Variants in PNMA8B observed in about 807,000 individuals in gnomAD.
PNMA8B encodes PNMA family member 8B, also known as paraneoplastic antigen-like protein 8B.
For missense variants in PNMA8B, 887 were observed against 885.8 expected, an observed-to-expected ratio of 1.00 and a Z score of -0.02; for synonymous variants, 386 against 394.9, an observed-to-expected ratio of 0.98 and a Z score of 0.27.
In PNMA8B at chr19:46,493,593, G is replaced by T. The variant is rs1601503130; in HGVS notation, c.1873C>A (p.Arg625Ser). Residue 625 changes from arginine to serine, a missense_variant, in exon 1 of 1, where the codon CGT becomes AGT. Arg to Ser is a moderately radical substitution (Grantham distance 110, BLOSUM62 -1). Transcript: ENST00000599531. The surrounding 1 kb of genome is among the most constrained non-coding windows in gnomAD (Gnocchi z 5.3). The part of the protein sequence containing the change: ...GSKAARGKKA[R>S]RGRRLPPKCR Reference sequence around the variant, plus strand: ...TTAGGGGGCAGCCTCCGGCCCCGACGGGCCTTCTTCCCGCGCGCGGCCTTG... The same window carrying T: ...TTAGGGGGCAGCCTCCGGCCCCGACTGGCCTTCTTCCCGCGCGCGGCCTTG... 1 of 1,480,692 alleles carries T rather than the reference G, an allele frequency of 6.8e-7. No individual in the cohort carries two copies. Among genetic ancestry groups the T allele is most frequent in the South Asian group, 1.3e-5 (1 of 75,566 alleles). The allele number at this position is 1,480,692 out of a possible 1,614,324, so 91.7% of individuals were successfully genotyped here.
Position 46,494,323 on chromosome 19 carries a change from C to A in PNMA8B, c.1143G>T (p.Lys381Asn). 6.2e-7 allele frequency: 1 copy of A among 1,613,192 alleles called. No individual in the cohort carries two copies. The highest frequency in any genetic ancestry group is 1.1e-5 in the South Asian group (1 of 91,088). The change falls in exon 1 of 1, where the codon AAG (lysine) becomes AAT (asparagine). Residue 381 changes from lysine to asparagine, a missense_variant. Physicochemically the swap from Lys to Asn is moderately conservative, Grantham distance 94. Coordinates refer to ENST00000599531, the MANE Select transcript of PNMA8B (RefSeq NM_020709.3). Reference sequence around the variant, plus strand: ...CCTTCACGCGGGTCCCGTTAGTGTCCTTGGACATGACGGACAAGACCTGTC... The same window carrying A: ...CCTTCACGCGGGTCCCGTTAGTGTCATTGGACATGACGGACAAGACCTGTC... The part of the protein sequence containing the change: ...PLRQVLSVMS[K>N]DTNGTRVKVE...
At position 46,494,872 on chromosome 19, in the gene PNMA8B, G is replaced by A. The variant is rs780432270; in HGVS notation, c.594C>T (p.Ser198=). ...APARSEAEDS[S]DESLGIVIEE... ...CGATCACGATGCCCAGGCTCTCGTC[G>A]GAAGAGTCCTCGGCCTCACTCCTCG... Residue 198 remains serine (S), a synonymous_variant, in exon 1 of 1, where the codon TCC becomes TCT. Transcript: ENST00000599531. The A allele has an allele frequency of 1.2e-6, 2 of 1,612,842 alleles. No homozygotes were observed. Among genetic ancestry groups the A allele is most frequent in the Admixed American group, 1.7e-5 (1 of 60,026 alleles).
rs1425435238 is a variant in PNMA8B at position 46,495,678 on chromosome 19, C to A, written c.-213G>T. On this transcript the variant is annotated 5_prime_UTR_variant, in exon 1 of 1. In the 5' UTR this introduces an upstream ATG that the reference lacks. Coordinates refer to ENST00000599531, the MANE Select transcript of PNMA8B (RefSeq NM_020709.3). ...ACGCAGTGACCTTCCCCCGGGACCC[C>A]TCTCCAGAGCTGTCTGAGGATCCGC... The A allele has an allele frequency of 3.4e-6, 2 of 594,494 alleles. No homozygotes were observed. Among genetic ancestry groups the A allele is most frequent in the Non-Finnish European group, 3.0e-6 (1 of 332,064 alleles). The allele number at this position is 594,494 out of a possible 1,614,324, so 36.8% of individuals were successfully genotyped here. A position where few individuals can be genotyped will look rare whatever the true frequency, so the allele number is the denominator to read the frequency against.
rs1970087065 is a variant in PNMA8B at position 46,495,820 on chromosome 19, G to A, written c.-355C>T. On this transcript the variant is annotated 5_prime_UTR_variant, in exon 1 of 1. Transcript: ENST00000599531. ...GGGCGGCGCCGAGTGCACCTGGAGA[G>A]GCGTGGGAGGTAGCAGCCGCAGCTT... is the stretch of plus-strand genomic sequence containing the variant. The A allele has an allele frequency of 2.2e-5, 5 of 224,274 alleles. No individual in the cohort carries two copies. In the South Asian group the frequency reaches 6.5e-4, roughly 29 times the overall value. The allele number at this position is 224,274 out of a possible 1,614,324, so 13.9% of individuals were successfully genotyped here. A position where few individuals can be genotyped will look rare whatever the true frequency, so the allele number is the denominator to read the frequency against.
In PNMA8B at chr19:46,491,380, A is replaced by T. The variant is rs1424015453; in HGVS notation, c.*2178T>A. ...GACCCCAGGTGTGACTTCTAAGAGG[A>T]CGTCTCTGGCAGCCATGTATGGTGG... is the stretch of plus-strand genomic sequence containing the variant. On this transcript the variant is annotated 3_prime_UTR_variant, in exon 1 of 1. Transcript: ENST00000599531. 1 of 152,192 alleles carries T rather than the reference A, an allele frequency of 6.6e-6. No individual in the cohort carries two copies. Among genetic ancestry groups the T allele is most frequent in the Admixed American group, 6.6e-5 (1 of 15,254 alleles). 9.4% of individuals were successfully genotyped at this position (152,192 alleles called of 1,614,324 possible).
Position 46,493,592 on chromosome 19 carries a change from C to T in PNMA8B, c.1874G>A (p.Arg625His), listed in dbSNP as rs770387222. 5.4e-6 allele frequency: 8 copies of T among 1,479,544 alleles called. No individual in the cohort carries two copies. The highest frequency in any genetic ancestry group is 7.1e-6 in the Non-Finnish European group (8 of 1,125,324). 91.7% of individuals were successfully genotyped at this position (1,479,544 alleles called of 1,614,324 possible). A position where few individuals can be genotyped will look rare whatever the true frequency, so the allele number is the denominator to read the frequency against. ...TTTAGGGGGCAGCCTCCGGCCCCGA[C>T]GGGCCTTCTTCCCGCGCGCGGCCTT... is the stretch of plus-strand genomic sequence containing the variant. ...GSKAARGKKARRGRRLPPKCR is the reference protein window; with the variant it reads ...GSKAARGKKAHRGRRLPPKCR The change falls in exon 1 of 1, where the codon CGT becomes CAT. Residue 625 changes from arginine to histidine, a missense_variant. Physicochemically the swap from Arg to His is conservative, Grantham distance 29. Coordinates refer to ENST00000599531, the MANE Select transcript of PNMA8B (RefSeq NM_020709.3). This position sits in a 1 kb window ranked among gnomAD's most constrained non-coding sequence, Gnocchi z 5.3.
rs561091252 is a variant in PNMA8B, at chr19:46,491,924, G to A, written c.*1634C>T. On this transcript the variant is annotated 3_prime_UTR_variant, in exon 1 of 1. Coordinates refer to ENST00000599531, the MANE Select transcript of PNMA8B (RefSeq NM_020709.3). Reference sequence around the variant, plus strand: ...GAAGCCTAGGACTGCTACGGGAGAAGCACACCTGGGGCCCTCCCCACCCAC... The same window carrying A: ...GAAGCCTAGGACTGCTACGGGAGAAACACACCTGGGGCCCTCCCCACCCAC... 2.6e-5 allele frequency: 5 copies of A among 192,398 alleles called. No individual in the cohort carries two copies. Among genetic ancestry groups the A allele is most frequent in the African/African-American group, 1.2e-4 (5 of 42,516 alleles). The allele number at this position is 192,398 out of a possible 1,614,324, so 11.9% of individuals were successfully genotyped here.
At position 46,493,801 on chromosome 19, in the gene PNMA8B, G is replaced by A; in HGVS notation, c.1665C>T (p.Ser555=). 7.5e-7 allele frequency: 1 copy of A among 1,335,076 alleles called. No individual in the cohort carries two copies. Among genetic ancestry groups the A allele is most frequent in the East Asian group, 3.2e-5 (1 of 31,302 alleles). 82.7% of individuals were successfully genotyped at this position (1,335,076 alleles called of 1,614,324 possible). The change falls in exon 1 of 1, where the codon TCC becomes TCT. Residue 555 remains serine (S), a synonymous_variant. Transcript: ENST00000599531. The surrounding 1 kb of genome is among the most constrained non-coding windows in gnomAD (Gnocchi z 5.3). ...LTPAGAPPTA[S]GARKTRAGGR... is the part of the protein sequence containing the mutation. ...CGCCCGCGCGGGTTTTGCGGGCCCC[G>A]GAAGCGGTGGGAGGCGCGCCGGCCG... is the stretch of plus-strand genomic sequence containing the variant.
Position 46,493,083 on chromosome 19 carries a change from C to A in PNMA8B, c.*475G>T, listed in dbSNP as rs146002499. The A allele has an allele frequency of 1.2e-3, 193 of 157,396 alleles. No homozygotes were observed. The highest frequency in any genetic ancestry group is 4.2e-3 in the African/African-American group (177 of 41,808). The allele number at this position is 157,396 out of a possible 1,614,324, so 9.7% of individuals were successfully genotyped here. On this transcript the variant is annotated 3_prime_UTR_variant, in exon 1 of 1. Coordinates refer to ENST00000599531, the MANE Select transcript of PNMA8B (RefSeq NM_020709.3). The surrounding 1 kb of genome is among the most constrained non-coding windows in gnomAD (Gnocchi z 5.3). Reference sequence around the variant, plus strand: ...TGGCTGAGAGTTGCGCCCTGACACGCGCTGCGCGGCTGGTGACTGAGCCTC... The same window carrying A: ...TGGCTGAGAGTTGCGCCCTGACACGAGCTGCGCGGCTGGTGACTGAGCCTC...
chr19:46,494,231 C>T lies in PNMA8B; in HGVS notation c.1235G>A (p.Arg412Gln), dbSNP rs1231929337. Reference protein sequence around the residue: ...LRKAGDDGDLRECISTLAQPD... With the variant: ...LRKAGDDGDLQECISTLAQPD... ...CTGCGCCAAGGTGGAAATGCACTCC[C>T]GGAGGTCCCCGTCATCCCCGGCCTT... The change falls in exon 1 of 1, where the codon CGG (arginine) becomes CAG (glutamine). Residue 412 changes from arginine (R) to glutamine (Q), a missense_variant. By Grantham distance (43) the Arg-to-Gln change is conservative. Coordinates refer to ENST00000599531, the MANE Select transcript of PNMA8B (RefSeq NM_020709.3). 8 of 1,609,128 alleles carry T rather than the reference C, an allele frequency of 5.0e-6. No individual in the cohort carries two copies. In the Admixed American group the frequency reaches 8.3e-5, roughly 17 times the overall value.
chr19:46,494,159 C>T lies in PNMA8B; in HGVS notation c.1307G>A (p.Gly436Glu), dbSNP rs768127021. The T allele has an allele frequency of 1.7e-5, 28 of 1,610,464 alleles. No individual in the cohort carries two copies. Among genetic ancestry groups the T allele is most frequent in the Admixed American group, 6.7e-5 (4 of 60,006 alleles). Residue 436 changes from glycine (G) to glutamate (E), a missense_variant, in exon 1 of 1, where the codon GGG becomes GAG. Transcript: ENST00000599531. ...GTCCTCACGGTGCTCGCTCCAGCCC[C>T]CGAAGAGGCCACGCCCAGCCTTCTT... The part of the protein sequence containing the change: ...QAKKAGRGLF[G>E]GWSEHREDEG...
chr19:46,494,460 C>T lies in PNMA8B; in HGVS notation c.1006G>A (p.Val336Met). The change falls in exon 1 of 1, where the codon GTG becomes ATG. Residue 336 changes from valine (V) to methionine (M), a missense_variant. Transcript: ENST00000599531. ...ELDNPEFVAI[V>M]AYTDPSDPWA... ...GGGTCCGACGGGTCGGTATAGGCCA[C>T]AATGGCCACGAACTCAGGATTATCC... 6.2e-7 allele frequency: 1 copy of T among 1,614,004 alleles called. No individual in the cohort carries two copies. The highest frequency in any genetic ancestry group is 8.5e-7 in the Non-Finnish European group (1 of 1,179,894).
Position 46,494,448 on chromosome 19 carries a change from C to T in PNMA8B, c.1018G>A (p.Asp340Asn), listed in dbSNP as rs773542803. The T allele has an allele frequency of 5.0e-6, 8 of 1,613,980 alleles. No individual in the cohort carries two copies. The highest frequency in any genetic ancestry group is 1.7e-5 in the Admixed American group (1 of 60,032). ...PEFVAIVAYT[D>N]PSDPWAREEM... ...TCCCGGGCCCAGGGGTCCGACGGGT[C>T]GGTATAGGCCACAATGGCCACGAAC... is the stretch of plus-strand genomic sequence containing the variant. The change falls in exon 1 of 1, where the codon GAC (aspartate) becomes AAC (asparagine). Residue 340 changes from aspartate to asparagine, a missense_variant. By Grantham distance (23) the Asp-to-Asn change is conservative. Coordinates refer to ENST00000599531, the MANE Select transcript of PNMA8B (RefSeq NM_020709.3).
In PNMA8B at chr19:46,492,232, G is replaced by A. The variant is rs950211677; in HGVS notation, c.*1326C>T. The A allele has an allele frequency of 1.3e-5, 5 of 379,774 alleles. No individual in the cohort carries two copies. The highest frequency in any genetic ancestry group is 5.9e-5 in the Admixed American group (2 of 33,948). 23.5% of individuals were successfully genotyped at this position (379,774 alleles called of 1,614,324 possible). On this transcript the variant is annotated 3_prime_UTR_variant, in exon 1 of 1. Transcript: ENST00000599531. ...ACTGCCAGGGAATGGAAATTGGGAC[G>A]AGGAAGCACACACATTGCCCCAGGG...
In PNMA8B at chr19:46,495,709, G is replaced by A. The variant is rs1316462314; in HGVS notation, c.-244C>T. On this transcript the variant is annotated 5_prime_UTR_variant, in exon 1 of 1. Coordinates refer to ENST00000599531, the MANE Select transcript of PNMA8B (RefSeq NM_020709.3). ...AGAGCTGTCTGAGGATCCGCGGGGG[G>A]CTTACGTGTCTGCTTTCCAGGACAG... 10 of 529,442 alleles carry A rather than the reference G, an allele frequency of 1.9e-5. No individual in the cohort carries two copies. Among genetic ancestry groups the A allele is most frequent in the South Asian group, 6.2e-5 (2 of 32,466 alleles). 32.8% of individuals were successfully genotyped at this position (529,442 alleles called of 1,614,324 possible).
chr19:46,494,921 C>A lies in PNMA8B; in HGVS notation c.545G>T (p.Arg182Leu), dbSNP rs763635836. 1.2e-5 allele frequency: 19 copies of A among 1,611,204 alleles called. 1 individual carries two copies. The highest frequency in any genetic ancestry group is 5.5e-5 in the South Asian group (5 of 91,084). ...RLTQKGKKRS[R>L]GGRPSAPARS... ...CGCGGGAGCAGACGGCCGTCCTCCT[C>A]GGCTTCTCTTCTTGCCCTTCTGGGT... Residue 182 changes from arginine to leucine, a missense_variant, in exon 1 of 1, where the codon CGA becomes CTA. Arg to Leu is a moderately radical substitution (Grantham distance 102). Coordinates refer to ENST00000599531, the MANE Select transcript of PNMA8B (RefSeq NM_020709.3).
Position 46,492,774 on chromosome 19 carries a change from A to C in PNMA8B, c.*784T>G, listed in dbSNP as rs1418085926. 2.6e-5 allele frequency: 4 copies of C among 152,492 alleles called. No individual in the cohort carries two copies. The highest frequency in any genetic ancestry group is 5.9e-5 in the Non-Finnish European group (4 of 68,256). The allele number at this position is 152,492 out of a possible 1,614,324, so 9.4% of individuals were successfully genotyped here. On this transcript the variant is annotated 3_prime_UTR_variant, in exon 1 of 1. Transcript: ENST00000599531. ...CCCCAAATTGAACACCTCTGCAAAT[A>C]ATTAGAATGTTGGGAAACACTGCAG...
At position 46,495,514 on chromosome 19, in the gene PNMA8B, AG is replaced by A; in HGVS notation, c.-50del. ...CTTGGGGCAGCAGGGAGCCCGAGAT[AG>A]GGGTGGGCTGCAGCGCACGGTGTCA... On this transcript the variant is annotated 5_prime_UTR_variant, in exon 1 of 1. Coordinates refer to ENST00000599531, the MANE Select transcript of PNMA8B (RefSeq NM_020709.3). The A allele has an allele frequency of 1.3e-6, 2 of 1,549,562 alleles. No individual in the cohort carries two copies. The highest frequency in any genetic ancestry group is 1.7e-6 in the Non-Finnish European group (2 of 1,146,358).
Position 46,493,697 on chromosome 19 carries a change from C to A in PNMA8B, c.1769G>T (p.Ser590Ile). 6.5e-7 allele frequency: 1 copy of A among 1,535,102 alleles called. No individual in the cohort carries two copies. The highest frequency in any genetic ancestry group is 8.7e-7 in the Non-Finnish European group (1 of 1,149,464). The change falls in exon 1 of 1, where the codon AGC becomes ATC. Residue 590 changes from serine (S) to isoleucine (I), a missense_variant. By Grantham distance (142) the Ser-to-Ile change is moderately radical. Transcript: ENST00000599531. The surrounding 1 kb of genome is among the most constrained non-coding windows in gnomAD (Gnocchi z 5.3). ...RGSAQDDAAGSRKKKGSAGAG... is the reference protein window; with the variant it reads ...RGSAQDDAAGIRKKKGSAGAG... The stretch of plus-strand genomic sequence containing the variant: ...GCCCGCGCTCCCCTTCTTCTTCCTG[C>A]TTCCTGCGGCGTCGTCCTGGGCCGA...
Sources: allele counts gnomAD v4.1 joint callset, GRCh38; gene constraint gnomAD v4.1.1; non-coding constraint Gnocchi (gnomAD v3.1); transcripts MANE v1.5; gene names NCBI Gene and HGNC (gene_info 2026-07-23, HGNC 2026-07-21).